Variants in SNX29 observed in about 807,000 individuals in gnomAD.
The protein encoded by SNX29 is sorting nexin-29.
In SNX29, 78 loss-of-function variants were observed where a neutral mutation model predicts 102.1. The observed-to-expected ratio is 0.76, with a 90% CI of 0.64 to 0.92. The LOEUF (loss-of-function observed/expected upper bound fraction) is 0.92, where lower values mean the gene tolerates loss of function less well. Ranked by LOEUF, SNX29 falls within the 40% of genes least tolerant of loss-of-function variation. The pLI is 0.00. For missense variants in SNX29, 1,280 were observed against 1,061.7 expected, an observed-to-expected ratio of 1.21 and a Z score of -2.86; for synonymous variants, 580 against 414.5, an observed-to-expected ratio of 1.40 and a Z score of -4.85.
intron 14 of SNX29, among the ~76,000 whole-genome samples, chr16:12,245,007 G>GT (rs1403333146): frequency 1.3e-5 from 2 of 152,192 alleles, no homozygotes; most frequent in Non-Finnish European, 2.9e-5. Context: ...CTAAGTGGTG[G>GT]TAGCATCGCT....
chr16:12,401,446 C>A (rs1318595769), intron 17 of SNX29, among the ~76,000 whole-genome samples: 4 of 141,302 alleles, frequency 2.8e-5, no homozygotes, highest in African/African-American at 1.0e-4. Context: ...CTCACTGCAA[C>A]CTCTGCCTCC....
rs2079122765 is a variant in SNX29, at chr16:12,568,859, C to CA, written c.*231dup. The CA allele has an allele frequency of 1.6e-6, 1 of 628,168 alleles. No individual in the cohort carries two copies. The highest frequency in any genetic ancestry group is 2.6e-6 in the Non-Finnish European group (1 of 377,688). 38.9% of individuals were successfully genotyped at this position (628,168 alleles called of 1,614,324 possible). On this transcript the variant is annotated 3_prime_UTR_variant, in exon 21 of 21. Coordinates refer to ENST00000566228, the MANE Select transcript of SNX29 (RefSeq NM_032167.5). ...GCACCTCGCTGGAGAGACTGGGACA[C>CA]ACAGTCCTTCTGCTTCTGGGGTCTA...
At chr16:12,021,113 G>C (rs543744833) in intron 3 of SNX29, among the ~76,000 whole-genome samples, 2 of 152,222 alleles carry the variant, frequency 1.3e-5, no homozygotes, top group Admixed American at 1.3e-4. Flanking sequence ...TCTCAAAAAG[G>C]CTCCAGTAAA....
chr16:12,069,153 T>TACCGAA (rs2051176885), intron 10 of SNX29, 21 bp downstream of exon 10: 1 of 1,595,810 alleles, frequency 6.3e-7, no homozygotes, highest in African/African-American at 1.3e-5. Flanking sequence ...AGAAACCCAG[T>TACCGAA]TGCCTGTGGC....
chr16:12,147,234 A>C (rs907829420), intron 13 of SNX29, among the ~76,000 whole-genome samples: 48 of 152,244 alleles, frequency 3.2e-4, no homozygotes, highest in Admixed American at 1.2e-3. Flanking sequence ...GCAGTTCATC[A>C]AGATGTGAAA....
chr16:12,564,506 G>C lies in SNX29; in HGVS notation c.2319-4000G>C, dbSNP rs371063493. ...AAGGTCTAGAGTGTCTTAACAGAAG[G>C]AACTCAAGTTTTCTGACTCTGAATA... On this transcript the variant is annotated intron_variant, in intron 20 of 20. Coordinates refer to ENST00000566228, the MANE Select transcript of SNX29 (RefSeq NM_032167.5). Among the ~76,000 whole-genome samples the C allele has an allele frequency of 9.8e-5, 15 of 152,296 alleles. No individual in the cohort carries two copies. The East Asian group carries it at 1.5e-3, about 16-fold the overall frequency.
intron 11 of SNX29, among the ~76,000 whole-genome samples, chr16:12,119,998 TC>T (rs754576563): frequency 1.3e-5 from 2 of 152,186 alleles, no homozygotes; most frequent in African/African-American, 2.4e-5. Context: ...CATTTTTTCC[TC>T]CTTTATCTTA....
At chr16:12,551,891 G>T (rs1027070711) in intron 20 of SNX29, among the ~76,000 whole-genome samples, 1 of 152,180 alleles carries the variant, frequency 6.6e-6, no homozygotes, top group African/African-American at 2.4e-5. Flanking sequence ...CTGCTCATCT[G>T]TAAGGTAGGG....
chr16:12,557,523 A>T (rs907848081), intron 20 of SNX29: 2 of 151,914 alleles, frequency 1.3e-5, no homozygotes, highest in African/African-American at 4.8e-5. Context: ...CACCTCTCCC[A>T]ACTAATTTTT....
chr16:11,981,781 C>G (rs562685540), intron 1 of SNX29, among the ~76,000 whole-genome samples: 1 of 152,188 alleles, frequency 6.6e-6, no homozygotes, highest in East Asian at 1.9e-4. Context: ...ACTAAGATGA[C>G]CATTAATTGG....
intron 13 of SNX29, among the ~76,000 whole-genome samples, chr16:12,165,008 CACTT>C (rs1740870558): frequency 6.6e-6 from 1 of 152,130 alleles, no homozygotes. Context: ...CTTTTTGACT[CACTT>C]CTCCTGTGGC....
chr16:12,245,948 T>A lies in SNX29; in HGVS notation c.1679-31985T>A, dbSNP rs139698774. On this transcript the variant is annotated intron_variant, in intron 14 of 20. Coordinates refer to ENST00000566228, the MANE Select transcript of SNX29 (RefSeq NM_032167.5). ...AACTTGCTTAAGCCCCAGAATCATC[T>A]TCTGTGAAATAGGGATATTAACAAT... 2.8e-3 allele frequency among the ~76,000 whole-genome samples: 428 copies of A among 152,350 alleles called. 5 individuals carry two copies. Among genetic ancestry groups the A allele is most frequent in the African/African-American group, 9.5e-3 (394 of 41,578 alleles).
intron 15 of SNX29, among the ~76,000 whole-genome samples, chr16:12,312,744 C>A (rs560968203): frequency 2.0e-5 from 3 of 151,976 alleles, no homozygotes; most frequent in Non-Finnish European, 4.4e-5. Context: ...GGCCAAATAA[C>A]TTCCATGGTA....
intron 13 of SNX29, among the ~76,000 whole-genome samples, chr16:12,161,399 T>C (rs1360900030): frequency 1.3e-5 from 2 of 152,202 alleles, no homozygotes; most frequent in Non-Finnish European, 2.9e-5. Context: ...CAGGAATGAC[T>C]TGAGGCTGGG....
intron 15 of SNX29, among the ~76,000 whole-genome samples, chr16:12,298,476 A>G (rs1404966335): frequency 6.6e-6 from 1 of 152,216 alleles, no homozygotes; most frequent in Non-Finnish European, 1.5e-5. Flanking sequence ...TGAGAAAGTT[A>G]TTAACCTCTC....
intron 19 of SNX29, among the ~76,000 whole-genome samples, chr16:12,485,821 A>G (rs1270144803): frequency 6.6e-6 from 1 of 152,212 alleles, no homozygotes. Context: ...CAATCTGCAG[A>G]TAGAGGAGAG....
chr16:12,557,528 A>G (rs1363997237), intron 20 of SNX29: 2 of 151,954 alleles, frequency 1.3e-5, no homozygotes, highest in Non-Finnish European at 2.9e-5. Context: ...CTCCCAACTA[A>G]TTTTTGCATT....
chr16:12,536,092 C>T (rs1165376962), intron 20 of SNX29, among the ~76,000 whole-genome samples: 1 of 152,132 alleles, frequency 6.6e-6, no homozygotes. Context: ...GGATGTTTTG[C>T]CTGGACCAGA....
At chr16:12,260,862 CTG>C (rs1305528314) in intron 14 of SNX29, among the ~76,000 whole-genome samples, 2 of 52,642 alleles carry the variant, frequency 3.8e-5, no homozygotes, top group Admixed American at 2.0e-4. Context: ...AATGTTTGCT[CTG>C]AGCTTGGGTC....
Sources: allele counts gnomAD v4.1 joint callset (sites outside exome capture counted in the v4.1 genomes callset), GRCh38; gene constraint gnomAD v4.1.1; transcripts MANE v1.5; gene names NCBI Gene and HGNC (gene_info 2026-07-23, HGNC 2026-07-21).